Variants in LRCH3 observed in about 807,000 individuals in gnomAD.
LRCH3 encodes the protein DISP complex protein LRCH3.
Under a neutral mutation model 104.5 loss-of-function variants are expected in LRCH3, and 68 were observed. The ratio of observed to expected loss-of-function variants is 0.65; its 90% confidence interval spans 0.54 to 0.80. The LOEUF is 0.80. Ranked by LOEUF, LRCH3 falls within the 30% of genes least tolerant of loss-of-function variation. LRCH3 has a pLI of 0.00. For missense variants in LRCH3, 951 were observed against 953.9 expected (o/e 1.00, Z 0.04); for synonymous variants, 344 against 361.3 (o/e 0.95, Z 0.54).
chr3:197,816,810 A>G (rs1157332259), intron 2 of LRCH3, among the ~76,000 whole-genome samples: 2 of 152,180 alleles, frequency 1.3e-5, no homozygotes, highest in Admixed American at 6.6e-5. Flanking sequence ...GGAGGATGAT[A>G]TTATCCACCT....
At chr3:197,847,040 G>A (rs1425657352) in intron 10 of LRCH3, among the ~76,000 whole-genome samples, 1 of 152,202 alleles carries the variant, frequency 6.6e-6, no homozygotes, top group African/African-American at 2.4e-5. Context: ...ATGACTGTAT[G>A]TAAAAGGATC....
At chr3:197,812,510 T>TTTTTTG (rs1733270833) in intron 1 of LRCH3, among the ~76,000 whole-genome samples, 1 of 125,946 alleles carries the variant, frequency 7.9e-6, no homozygotes, top group African/African-American at 3.0e-5. Flanking sequence ...TTCAGTTTTT[T>TTTTTTG]TTTTTTTTTT....
At chr3:197,817,073 A>G in intron 2 of LRCH3, 103 bp from the exon 3 acceptor site, 1 of 1,036,720 alleles carries the variant, frequency 9.6e-7, no homozygotes, top group Non-Finnish European at 1.3e-6. Context: ...TGTTTCTTGC[A>G]AGACTCATAT....
At chr3:197,881,755 G>T in intron 20 of LRCH3, 1 of 985,362 alleles carries the variant, frequency 1.0e-6, no homozygotes, top group Non-Finnish European at 1.2e-6. Flanking sequence ...AACAAAATTG[G>T]GATAAAGGAT....
At position 197,839,268 on chromosome 3, in the gene LRCH3, G is replaced by A. The variant is rs150000603; in HGVS notation, c.1252-53G>A. 4.5e-4 allele frequency: 519 copies of A among 1,140,682 alleles called. 6 individuals carry two copies. Among genetic ancestry groups the A allele is most frequent in the Middle Eastern group, 2.6e-3 (12 of 4,566 alleles). 70.7% of individuals were successfully genotyped at this position (1,140,682 alleles called of 1,614,324 possible). A position where few individuals can be genotyped will look rare whatever the true frequency, so the allele number is the denominator to read the frequency against. On this transcript the variant is annotated intron_variant, in intron 9 of 20. Transcript: ENST00000425562. ...CAAATTGGATGTGAACTGTGTAATC[G>A]CAGTGTTCTGGATTAATATACTAAA...
At chr3:197,835,008 G>A (rs1238506311) in intron 8 of LRCH3, among the ~76,000 whole-genome samples, 1 of 152,060 alleles carries the variant, frequency 6.6e-6, no homozygotes, top group African/African-American at 2.4e-5. Flanking sequence ...GCCGGGCGTG[G>A]TGGTGCACAC....
intron 14 of LRCH3, among the ~76,000 whole-genome samples, chr3:197,858,582 C>A (rs772048614): frequency 1.3e-5 from 2 of 152,058 alleles, no homozygotes; most frequent in Non-Finnish European, 2.9e-5. Flanking sequence ...TTTCAGAAAT[C>A]ATGCCTCTCA....
At chr3:197,874,760 C>T (rs1165071103) in intron 19 of LRCH3, among the ~76,000 whole-genome samples, 2 of 152,244 alleles carry the variant, frequency 1.3e-5, no homozygotes, top group South Asian at 2.1e-4. Flanking sequence ...ACTTGCCTTC[C>T]AAAATCAAAG....
Position 197,826,989 on chromosome 3 carries a change from A to T in LRCH3, c.752A>T (p.Asn251Ile). 1 of 1,614,010 alleles carries T rather than the reference A, an allele frequency of 6.2e-7. No individual in the cohort carries two copies. The highest frequency in any genetic ancestry group is 8.5e-7 in the Non-Finnish European group (1 of 1,179,986). ...RHLQTITLDN[N>I]PLQSPPAQIC... is the part of the protein sequence containing the mutation. ...CTACAGACGATCACCCTAGATAACA[A>T]TCCACTACAATCACCTCCTGCACAG... Residue 251 changes from asparagine to isoleucine, a missense_variant, in exon 5 of 21, where the codon AAT (asparagine) becomes ATT (isoleucine). Asn to Ile is a moderately radical substitution (Grantham distance 149, BLOSUM62 -3). Coordinates refer to ENST00000425562, the MANE Select transcript of LRCH3 (RefSeq NM_001365715.1).
Position 197,824,640 on chromosome 3 carries a change from C to T in LRCH3, c.641-2238C>T, listed in dbSNP as rs139960379. 1.4e-3 allele frequency among the ~76,000 whole-genome samples: 214 copies of T among 148,740 alleles called. 5 individuals carry two copies. The highest frequency in any genetic ancestry group is 5.2e-3 in the African/African-American group (209 of 40,036). ...GGAGTACAGTGGCGCGATCTCGGCT[C>T]ACGGTAACCTCTGCCCCCCCGTCCC... is the stretch of plus-strand genomic sequence containing the variant. On this transcript the variant is annotated intron_variant, in intron 4 of 20. Transcript: ENST00000425562.
rs140034370 is a variant in LRCH3 at position 197,879,339 on chromosome 3, G to A, written c.2208+3564G>A. Among the ~76,000 whole-genome samples the A allele has an allele frequency of 4.7e-4, 71 of 152,298 alleles. No homozygotes were observed. In the East Asian group the frequency reaches 0.013, roughly 28 times the overall value. On this transcript the variant is annotated intron_variant, in intron 20 of 20. Transcript: ENST00000425562. ...TTCATTTTGAACACATTCTCGAGCT[G>A]GACTTGGTTAAAATAGACACCCCCT...
chr3:197,880,337 T>C (rs1295255958), intron 20 of LRCH3, among the ~76,000 whole-genome samples: 1 of 152,194 alleles, frequency 6.6e-6, no homozygotes, highest in Non-Finnish European at 1.5e-5. Context: ...ATGGAGAAGA[T>C]TCTTTGTAGT....
intron 1 of LRCH3, among the ~76,000 whole-genome samples, chr3:197,802,580 ATTG>A (rs1732020168): frequency 6.6e-6 from 1 of 152,010 alleles, no homozygotes; most frequent in South Asian, 2.1e-4. Context: ...TTCGAGAAGG[ATTG>A]TTATTAGTTC....
intron 1 of LRCH3, 132 bp downstream of exon 1, chr3:197,791,672 G>A: frequency 9.2e-7 from 1 of 1,081,144 alleles, no homozygotes; most frequent in Non-Finnish European, 1.2e-6. Context: ...GGGTAACGGG[G>A]AGAAGCCGAC....
intron 19 of LRCH3, 28 bp downstream of exon 19, chr3:197,871,490 G>T (rs1370285680): frequency 6.2e-7 from 1 of 1,608,152 alleles, no homozygotes; most frequent in Non-Finnish European, 8.5e-7. Flanking sequence ...AAAAGCCTTG[G>T]CTATTCATCA....
chr3:197,792,876 T>C (rs1349324068), intron 1 of LRCH3, among the ~76,000 whole-genome samples: 1 of 151,832 alleles, frequency 6.6e-6, no homozygotes, highest in Non-Finnish European at 1.5e-5. Context: ...GGTCTCGAAC[T>C]CCTGACCTCA....
chr3:197,812,353 G>A (rs1414842483), intron 1 of LRCH3, among the ~76,000 whole-genome samples: 3 of 151,956 alleles, frequency 2.0e-5, no homozygotes, highest in African/African-American at 7.3e-5. Context: ...TTTGAATGTA[G>A]AATAATATTC....
At chr3:197,850,080 G>T (rs1006226465) in intron 12 of LRCH3, among the ~76,000 whole-genome samples, 1 of 152,194 alleles carries the variant, frequency 6.6e-6, no homozygotes, top group Non-Finnish European at 1.5e-5. Flanking sequence ...TGGTGTAAAG[G>T]GGGGTTCGTT....
chr3:197,849,267 CAAAA>C (rs35823428), intron 12 of LRCH3, among the ~76,000 whole-genome samples: 2 of 35,324 alleles, frequency 5.7e-5, no homozygotes, highest in East Asian at 8.0e-4. Context: ...GACTCCACCT[CAAAA>C]AAAAAAAAAA....
Sources: gnomAD v4.1 joint callset for allele counts (sites outside exome capture counted in the v4.1 genomes callset) on GRCh38, gnomAD v4.1.1 for gene constraint, MANE v1.5 for transcripts, NCBI Gene and HGNC (gene_info 2026-07-23, HGNC 2026-07-21) for gene names.